Variants in SPATA6L observed in about 807,000 individuals in gnomAD.
The protein encoded by SPATA6L is spermatogenesis associated 6-like protein.
A neutral mutation model predicts 49.2 loss-of-function variants in SPATA6L; 68 were observed. That is an observed-to-expected ratio of 1.38 (90% confidence interval 1.14 to 1.69). SPATA6L has a LOEUF of 1.69. Among genes scored for constraint, SPATA6L ranks in the 40% most tolerant of loss-of-function variants. The pLI is 0.00. For missense variants in SPATA6L, 668 were observed against 464.3 expected (o/e 1.44, Z -4.03); for synonymous variants, 198 against 165.7 (o/e 1.19, Z -1.50).
At chr9:4,605,307 A>C (rs1448659152) in intron 10 of SPATA6L, 40 bp downstream of exon 10, 1 of 1,487,428 alleles carries the variant, frequency 6.7e-7, no homozygotes, top group East Asian at 2.3e-5. Context: ...TTCACATATT[A>C]TTTAGTGAGC....
intron 3 of SPATA6L, among the ~76,000 whole-genome samples, chr9:4,652,999 T>C (rs975379541): frequency 6.6e-6 from 1 of 152,238 alleles, no homozygotes; most frequent in Non-Finnish European, 1.5e-5. Context: ...CTGGCTTCTT[T>C]GCAGACATTG....
At chr9:4,590,253 T>C (rs1273978109) in intron 13 of SPATA6L, among the ~76,000 whole-genome samples, 1 of 152,080 alleles carries the variant, frequency 6.6e-6, no homozygotes, top group Non-Finnish European at 1.5e-5. Flanking sequence ...GTATATGGAA[T>C]TGGGTGAGTG....
chr9:4,594,691 C>G (rs950800778), downstream of SPATA6L, among the ~76,000 whole-genome samples: 1 of 152,100 alleles, frequency 6.6e-6, no homozygotes, highest in African/African-American at 2.4e-5. Context: ...AACAGTGATG[C>G]CTCTTTGTGA....
At chr9:4,619,587 CTGT>C (rs2130375318) in intron 7 of SPATA6L, among the ~76,000 whole-genome samples, 1 of 152,264 alleles carries the variant, frequency 6.6e-6, no homozygotes, top group South Asian at 2.1e-4. Context: ...AAAGAAAGTA[CTGT>C]GTGTCTAATA....
chr9:4,648,724 A>AAATAAAT lies in SPATA6L; in HGVS notation c.226+7316_226+7317insATTTATT, dbSNP rs769508422. On this transcript the variant is annotated intron_variant, in intron 3 of 11. Coordinates refer to ENST00000682582, the MANE Select transcript of SPATA6L (RefSeq NM_001353486.2). ...CGAAAAATAAATAAATTAAATAAAT[A>AAATAAAT]AATACATAAGTTCTTTAGTGGTGAT... Among the ~76,000 whole-genome samples, 567 of 149,188 alleles carry AAATAAAT rather than the reference A, an allele frequency of 3.8e-3. 5 individuals are homozygous for AAATAAAT. The highest frequency in any genetic ancestry group is 8.1e-3 in the African/African-American group (324 of 40,148).
At chr9:4,666,113 G>A (rs568643024) in intron 1 of SPATA6L, 99 bp downstream of exon 1, 3 of 1,024,346 alleles carry the variant, frequency 2.9e-6, no homozygotes, top group Non-Finnish European at 4.7e-6. Flanking sequence ...TGATGTGTTT[G>A]TGGTAAGTGG....
intron 9 of SPATA6L, among the ~76,000 whole-genome samples, chr9:4,617,718 G>A (rs913433544): frequency 2.6e-5 from 4 of 152,140 alleles, no homozygotes; most frequent in Non-Finnish European, 5.9e-5. Context: ...CTATGTCAAA[G>A]TTAGTTGTCT....
intron 11 of SPATA6L, among the ~76,000 whole-genome samples, chr9:4,603,964 G>A (rs1172615436): frequency 6.6e-6 from 1 of 152,144 alleles, no homozygotes; most frequent in African/African-American, 2.4e-5. Context: ...TTGCGGGCAG[G>A]GGAGATGATT....
At chr9:4,653,422 A>T (rs887821673) in intron 3 of SPATA6L, among the ~76,000 whole-genome samples, 41 of 152,260 alleles carry the variant, frequency 2.7e-4, no homozygotes, top group African/African-American at 9.4e-4. Context: ...ACATAGATGT[A>T]AGTCTTCATG....
In SPATA6L at chr9:4,653,282, G is replaced by A. The variant is rs75521114; in HGVS notation, c.226+2759C>T. On this transcript the variant is annotated intron_variant, in intron 3 of 11. Transcript: ENST00000682582. Reference sequence around the variant, plus strand: ...GGAAAGAATGGTCTTTTATCAAATGGTGCTAAAACAAATGGATATCCATAT... The same window carrying A: ...GGAAAGAATGGTCTTTTATCAAATGATGCTAAAACAAATGGATATCCATAT... 6.6e-3 allele frequency among the ~76,000 whole-genome samples: 1,003 copies of A among 152,288 alleles called. 12 individuals are homozygous for A. Among genetic ancestry groups the A allele is most frequent in the African/African-American group, 0.023 (939 of 41,546 alleles).
Position 4,662,419 on chromosome 9 carries a change from T to C in SPATA6L, c.40-383A>G. On this transcript the variant is annotated intron_variant, in intron 1 of 11. Transcript: ENST00000682582. The surrounding 1 kb of genome is among the most constrained non-coding windows in gnomAD (Gnocchi z 4.9). ...AGCATGGAGGGACGGCCGCTGGGCG[T>C]CTCCGCTTCGAGCAGCAGCAGCAGC... The C allele has an allele frequency of 1.3e-6, 2 of 1,538,388 alleles. No homozygotes were observed. Among genetic ancestry groups the C allele is most frequent in the Non-Finnish European group, 1.7e-6 (2 of 1,150,584 alleles).
chr9:4,649,580 A>AC (rs1338379746), intron 3 of SPATA6L, among the ~76,000 whole-genome samples: 6 of 152,200 alleles, frequency 3.9e-5, no homozygotes, highest in African/African-American at 1.4e-4. Context: ...CTGTATTTGA[A>AC]CCCAAGTAGT....
At chr9:4,633,661 C>G (rs890890331) in intron 4 of SPATA6L, 1 of 153,556 alleles carries the variant, frequency 6.5e-6, no homozygotes, top group Non-Finnish European at 1.5e-5. Context: ...ATATGCGAAA[C>G]TTTTGGCCAA....
intron 9 of SPATA6L, among the ~76,000 whole-genome samples, chr9:4,605,733 A>G (rs1324219769): frequency 1.3e-5 from 2 of 151,844 alleles, no homozygotes; most frequent in Admixed American, 1.3e-4. Flanking sequence ...TCTCATGAAC[A>G]AACCCTACTT....
At chr9:4,642,535 G>A (rs1210959228) in intron 3 of SPATA6L, among the ~76,000 whole-genome samples, 1 of 152,174 alleles carries the variant, frequency 6.6e-6, no homozygotes, top group African/African-American at 2.4e-5. Flanking sequence ...AGAAGCAGAA[G>A]AAAGAACTAC....
chr9:4,613,047 G>C (rs910710333), intron 9 of SPATA6L, among the ~76,000 whole-genome samples: 4 of 152,202 alleles, frequency 2.6e-5, no homozygotes, highest in South Asian at 2.1e-4. Flanking sequence ...GGCTAAAGTA[G>C]TGAAACCCCA....
At chr9:4,644,860 A>G (rs186483075) in intron 3 of SPATA6L, among the ~76,000 whole-genome samples, 4 of 152,304 alleles carry the variant, frequency 2.6e-5, no homozygotes, top group Non-Finnish European at 5.9e-5. Flanking sequence ...ACTGCATAGC[A>G]AAAGTACCAC....
intron 3 of SPATA6L, 55 bp downstream of exon 3, chr9:4,655,984 CTG>C: frequency 7.5e-7 from 1 of 1,331,438 alleles, no homozygotes; most frequent in South Asian, 1.2e-5. Context: ...AGTTTTGAAT[CTG>C]TGAATTACAC....
intron 8 of SPATA6L, 145 bp from the exon 9 acceptor site, chr9:4,618,255 T>A: frequency 6.5e-6 from 4 of 616,180 alleles, no homozygotes; most frequent in Non-Finnish European, 1.1e-5. Context: ...TAGAAGAGGA[T>A]CTGGAGAAGA....
Sources: gnomAD v4.1 joint callset for allele counts (sites outside exome capture counted in the v4.1 genomes callset) on GRCh38, gnomAD v4.1.1 for gene constraint, Gnocchi (gnomAD v3.1) non-coding constraint, MANE v1.5 for transcripts, NCBI Gene and HGNC (gene_info 2026-07-23, HGNC 2026-07-21) for gene names.